Variants in CABIN1 observed in about 807,000 individuals in gnomAD.
CABIN1 encodes calcineurin-binding protein cabin-1.
CABIN1 carries 133 observed loss-of-function variants against 227.7 expected under a neutral mutation model. That is an observed-to-expected ratio of 0.58 (90% confidence interval 0.51 to 0.67). CABIN1 has a LOEUF of 0.67. Ranked by LOEUF, CABIN1 falls within the 30% of genes least tolerant of loss-of-function variation. The probability of loss-of-function intolerance (pLI) is 0.00; values close to 1 mark genes in which losing one functional copy is unlikely to be tolerated. For synonymous variants in CABIN1, 1,086 were observed against 1,155.1 expected (o/e 0.94, Z 1.21); for missense variants, 2,408 against 2,852.5 (o/e 0.84, Z 3.55).
Position 24,136,524 on chromosome 22 carries a change from A to ATTTTTTTTTTTTTTTTTTTTT in CABIN1, c.4746+2113_4746+2133dup, listed in dbSNP as rs145864566. On this transcript the variant is annotated intron_variant, in intron 29 of 36. Transcript: ENST00000263119. ...ACTGCCACGCCCAGCTAATTTTTGT[A>ATTTTTTTTTTTTTTTTTTTTT]TTTTTTTTTTTTTTTTTTTTTTTTA... 2.4e-3 allele frequency among the ~76,000 whole-genome samples: 168 copies of ATTTTTTTTTTTTTTTTTTTTT among 69,862 alleles called. 14 individuals carry two copies. The highest frequency in any genetic ancestry group is 3.5e-3 in the East Asian group (7 of 1,976). The allele number at this position is 69,862 out of a possible 152,430, so 45.8% of individuals were successfully genotyped here.
At chr22:24,119,011 C>T (rs1366818610) in intron 27 of CABIN1, among the ~76,000 whole-genome samples, 1 of 152,238 alleles carries the variant, frequency 6.6e-6, no homozygotes, top group Non-Finnish European at 1.5e-5. Flanking sequence ...GGTGGCAACA[C>T]CTGCCCTTTG....
At chr22:24,029,304 C>G (rs1426787583) in intron 1 of CABIN1, among the ~76,000 whole-genome samples, 1 of 152,184 alleles carries the variant, frequency 6.6e-6, no homozygotes, top group African/African-American at 2.4e-5. Flanking sequence ...CAGTGAGCCT[C>G]AAGCCAAGGC....
intron 29 of CABIN1, among the ~76,000 whole-genome samples, chr22:24,140,556 G>C (rs2148319378): frequency 6.6e-6 from 1 of 152,354 alleles, no homozygotes; most frequent in East Asian, 1.9e-4. Flanking sequence ...GAGCCAGGCT[G>C]CTTTGTCCAG....
chr22:24,094,782 AGT>A, intron 24 of CABIN1, among the ~76,000 whole-genome samples: 1 of 146,664 alleles, frequency 6.8e-6, no homozygotes, highest in Admixed American at 6.9e-5. Flanking sequence ...GCGCCACTGC[AGT>A]CCGCAGTCCG....
At chr22:24,059,395 G>T in intron 11 of CABIN1, 32 bp downstream of exon 11, 1 of 1,613,174 alleles carries the variant, frequency 6.2e-7, no homozygotes, top group Non-Finnish European at 8.5e-7. Flanking sequence ...CATTCACTTT[G>T]GGAATTCTTC....
At chr22:24,104,166 C>G (rs1457899276) in intron 26 of CABIN1, among the ~76,000 whole-genome samples, 2 of 152,108 alleles carry the variant, frequency 1.3e-5, no homozygotes, top group Non-Finnish European at 2.9e-5. Context: ...ATCTCTCTCT[C>G]TCTGGGCTCT....
intron 1 of CABIN1, among the ~76,000 whole-genome samples, chr22:24,013,920 A>G (rs2035038680): frequency 6.6e-6 from 1 of 152,216 alleles, no homozygotes; most frequent in Admixed American, 6.5e-5. Context: ...CAGAACACAA[A>G]GACACATTAT....
At chr22:24,140,574 T>G (rs905928278) in intron 29 of CABIN1, among the ~76,000 whole-genome samples, 2 of 152,200 alleles carry the variant, frequency 1.3e-5, no homozygotes, top group African/African-American at 4.8e-5. Flanking sequence ...CAGGGTGAAC[T>G]TCTCTCCCTG....
At chr22:24,092,970 AG>A (rs766051623) in intron 24 of CABIN1, among the ~76,000 whole-genome samples, 138 of 152,268 alleles carry the variant, frequency 9.1e-4, no homozygotes, top group Admixed American at 4.2e-3. Context: ...GTAGTTTAGC[AG>A]GGCGTTTGTT....
In CABIN1 at chr22:24,038,353, A is replaced by C; in HGVS notation, c.102A>C (p.Ala34=). Residue 34 remains alanine (A), a synonymous_variant, in exon 4 of 37, where the codon GCA becomes GCC. Coordinates refer to ENST00000263119, the MANE Select transcript of CABIN1 (RefSeq NM_012295.4). The part of the protein sequence containing the change: ...HKTQTKEAQE[A]EAFALYHKAL... The stretch of plus-strand genomic sequence containing the variant: ...TCTCTTGTCTTGATTTGCAGGAAGC[A>C]GAGGCTTTTGCATTGTACCACAAGG... The C allele has an allele frequency of 1.2e-6, 2 of 1,612,974 alleles. No individual in the cohort carries two copies. The highest frequency in any genetic ancestry group is 1.7e-6 in the Non-Finnish European group (2 of 1,178,926).
Position 24,064,188 on chromosome 22 carries a change from G to A in CABIN1, c.2037+1G>A. The stretch of plus-strand genomic sequence containing the variant: ...TGACTCTGTGGTTTCCCTGGAGGAG[G>A]TAAGTGAGAATTTTCGTTTGTTTGT... On this transcript the variant is annotated splice_donor_variant, in intron 15 of 36. Coordinates refer to ENST00000263119, the MANE Select transcript of CABIN1 (RefSeq NM_012295.4). LOFTEE classifies it high-confidence loss of function. 2 of 1,614,166 alleles carry A rather than the reference G, an allele frequency of 1.2e-6. No individual in the cohort carries two copies. The highest frequency in any genetic ancestry group is 1.7e-6 in the Non-Finnish European group (2 of 1,180,004).
chr22:24,120,704 T>TACC (rs1236283509), intron 28 of CABIN1, among the ~76,000 whole-genome samples: 2 of 152,112 alleles, frequency 1.3e-5, no homozygotes, highest in East Asian at 3.9e-4. Context: ...TCCCAGCTAC[T>TACC]CGGGAGGCTG....
intron 33 of CABIN1, among the ~76,000 whole-genome samples, chr22:24,171,164 G>T (rs1432207412): frequency 6.6e-6 from 1 of 152,216 alleles, no homozygotes; most frequent in East Asian, 1.9e-4. Context: ...AGGCCAGGCT[G>T]CAGGGAGAGG....
chr22:24,043,515 G>A (rs112526354), intron 6 of CABIN1, among the ~76,000 whole-genome samples: 2,179 of 152,094 alleles, frequency 0.014, 24 homozygotes, highest in Non-Finnish European at 0.023. Flanking sequence ...ACTTTAGGGG[G>A]CCAAGGCAGG....
At chr22:24,098,244 G>A (rs1436124751) in intron 26 of CABIN1, 52 bp downstream of exon 26, 8 of 1,612,470 alleles carry the variant, frequency 5.0e-6, no homozygotes, top group Non-Finnish European at 6.8e-6. Context: ...ATCAATCACG[G>A]GGGGGTGCTC....
intron 1 of CABIN1, among the ~76,000 whole-genome samples, chr22:24,035,037 A>G (rs925501051): frequency 2.6e-5 from 4 of 152,116 alleles, no homozygotes; most frequent in Non-Finnish European, 5.9e-5. Context: ...ACTGCAGTGT[A>G]TTCCATTCTT....
intron 26 of CABIN1, among the ~76,000 whole-genome samples, chr22:24,099,511 G>A (rs2042086202): frequency 6.6e-6 from 1 of 152,124 alleles, no homozygotes; most frequent in African/African-American, 2.4e-5. Context: ...AGAGTGTTAA[G>A]CAGAGATGGG....
intron 29 of CABIN1, among the ~76,000 whole-genome samples, chr22:24,152,458 T>C (rs997608953): frequency 6.6e-6 from 1 of 152,148 alleles, no homozygotes; most frequent in African/African-American, 2.4e-5. Context: ...GACTCGGAAC[T>C]GTAAGGCTCA....
chr22:24,087,657 G>A lies in CABIN1; in HGVS notation c.3469G>A (p.Ala1157Thr), dbSNP rs775962686. Residue 1157 changes from alanine to threonine, a missense_variant, in exon 23 of 37, where the codon GCC (alanine) becomes ACC (threonine). This residue lies in a region of CABIN1 where 649 missense variants were observed against 910.3 expected (regional missense o/e 0.71). Transcript: ENST00000263119. The part of the protein sequence containing the change: ...GTMSYALHSF[A>T]SRQLKQWRGE... Reference sequence around the variant, plus strand: ...CATGTCCTATGCCTTGCACTCATTCGCCTCACGTCAATTGAAGCAGTGGAG... The same window carrying A: ...CATGTCCTATGCCTTGCACTCATTCACCTCACGTCAATTGAAGCAGTGGAG... 19 of 1,614,168 alleles carry A rather than the reference G, an allele frequency of 1.2e-5. No homozygotes were observed. The highest frequency in any genetic ancestry group is 1.6e-5 in the Non-Finnish European group (19 of 1,180,044).
Sources: allele counts gnomAD v4.1 joint callset (sites outside exome capture counted in the v4.1 genomes callset), GRCh38; gene constraint gnomAD v4.1.1; regional missense constraint gnomAD v4.1.1; transcripts MANE v1.5; gene names NCBI Gene and HGNC (gene_info 2026-07-23, HGNC 2026-07-21).